The following PHGDH variants were observed in gnomAD, a reference collection of about 807,000 sequenced individuals.
PHGDH encodes the protein phosphoglycerate dehydrogenase.
PHGDH carries 50 observed loss-of-function variants against 52.6 expected under a neutral mutation model. The observed-to-expected ratio is 0.95, with a 90% confidence interval of 0.76 to 1.20. The LOEUF (loss-of-function observed/expected upper bound fraction) is 1.20. PHGDH is among the 50% of genes most tolerant of loss of function. PHGDH has a pLI of 0.00. For missense variants in PHGDH, 630 were observed against 684.6 expected (o/e 0.92, Z 0.89); for synonymous variants, 271 against 280.5 (o/e 0.97, Z 0.34).
chr1:119,742,017 A>C, intron 10 of PHGDH, 120 bp downstream of exon 10: 1 of 836,790 alleles, frequency 1.2e-6, no homozygotes, highest in Non-Finnish European at 2.0e-6. Context: ...CGGCCTGTCT[A>C]CCTGTGAGGG....
At position 119,735,361 on chromosome 1, in the gene PHGDH, G is replaced by C; in HGVS notation, c.710G>C (p.Gly237Ala). 2 of 1,614,226 alleles carry C rather than the reference G, an allele frequency of 1.2e-6. No homozygotes were observed. Among genetic ancestry groups the C allele is most frequent in the Non-Finnish European group, 1.7e-6 (2 of 1,180,046 alleles). ...KGVRVVNCARGGIVDEGALLR... is the reference protein window; with the variant it reads ...KGVRVVNCARAGIVDEGALLR... ...GTGCGTGTGGTGAACTGTGCCCGTG[G>C]AGGGATCGTGGACGAAGGCGCCCTG... The change falls in exon 7 of 12, where the codon GGA becomes GCA. Residue 237 changes from glycine to alanine, a missense_variant. Gly to Ala is a moderately conservative substitution (Grantham distance 60, BLOSUM62 0). Transcript: ENST00000641023.
At chr1:119,738,081 C>T (rs1357907126) in intron 8 of PHGDH, among the ~76,000 whole-genome samples, 2 of 148,762 alleles carry the variant, frequency 1.3e-5, no homozygotes, top group Non-Finnish European at 3.0e-5. Flanking sequence ...TTTTTTTTCC[C>T]TAATCTTTCT....
Position 119,711,961 on chromosome 1 carries a change from C to T in PHGDH, c.-62C>T. 1 of 1,595,222 alleles carries T rather than the reference C, an allele frequency of 6.3e-7. No homozygotes were observed. Among genetic ancestry groups the T allele is most frequent in the Non-Finnish European group, 8.6e-7 (1 of 1,164,546 alleles). ...AGTTACTCTAGCGCGCCAGGCCGAA[C>T]CGCAGCTTCTTGGCTTAGGTACTTC... On this transcript the variant is annotated 5_prime_UTR_variant, in exon 1 of 12. Coordinates refer to ENST00000641023, the MANE Select transcript of PHGDH (RefSeq NM_006623.4).
rs932157775 is a variant in PHGDH, at chr1:119,722,329, T to C, written c.290+1008T>C. 7.2e-5 allele frequency among the ~76,000 whole-genome samples: 11 copies of C among 152,268 alleles called. No individual in the cohort carries two copies. The East Asian group carries it at 1.7e-3, about 24-fold the overall frequency. On this transcript the variant is annotated intron_variant, in intron 2 of 11. Coordinates refer to ENST00000641023, the MANE Select transcript of PHGDH (RefSeq NM_006623.4). ...TTGACTTTTTCTTCTTGTAACCTTA[T>C]TAACCTTCATTCCAGAGATGAAAAA...
At chr1:119,742,705 G>T (rs927417493) in intron 10 of PHGDH, 102 bp from the exon 11 acceptor site, 4 of 771,708 alleles carry the variant, frequency 5.2e-6, no homozygotes, top group Non-Finnish European at 9.1e-6. Flanking sequence ...ACATTATCCA[G>T]GCTGGAGCCC....
chr1:119,732,387 A>G (rs1345606462), intron 5 of PHGDH, among the ~76,000 whole-genome samples: 1 of 152,110 alleles, frequency 6.6e-6, no homozygotes, highest in Non-Finnish European at 1.5e-5. Flanking sequence ...GTTTCTCCCC[A>G]AGGCTTCTCT....
In PHGDH at chr1:119,742,842, G is replaced by A. The variant is rs769982653; in HGVS notation, c.1245G>A (p.Glu415=). The change falls in exon 11 of 12, where the codon GAG becomes GAA. Residue 415 remains glutamate, a synonymous_variant. Transcript: ENST00000641023. ...CCCACAGCCCTGCTGCACCAGGGGAGCAAGGCTTCGGGGAATGCCTCCTGG... is the reference window on the plus strand; with the variant it reads ...CCCACAGCCCTGCTGCACCAGGGGAACAAGGCTTCGGGGAATGCCTCCTGG... The part of the protein sequence containing the change: ...TTSHSPAAPG[E]QGFGECLLAV... The A allele has an allele frequency of 5.0e-6, 8 of 1,613,508 alleles. No homozygotes were observed. The highest frequency in any genetic ancestry group is 3.3e-5 in the South Asian group (3 of 90,996).
At chr1:119,722,469 T>A (rs2101158037) in intron 2 of PHGDH, among the ~76,000 whole-genome samples, 1 of 152,322 alleles carries the variant, frequency 6.6e-6, no homozygotes, top group South Asian at 2.1e-4. Flanking sequence ...TCTATTTTTT[T>A]GTTTATAAAA....
rs1169691960 is a variant in PHGDH, at chr1:119,711,937, G to T, written c.-86G>T. On this transcript the variant is annotated 5_prime_UTR_variant, in exon 1 of 12. Coordinates refer to ENST00000641023, the MANE Select transcript of PHGDH (RefSeq NM_006623.4). ...AGCGGGAGCTGGAGAATACTGCCCA[G>T]TTACTCTAGCGCGCCAGGCCGAACC... 5.7e-6 allele frequency: 8 copies of T among 1,403,142 alleles called. No individual in the cohort carries two copies. Among genetic ancestry groups the T allele is most frequent in the Non-Finnish European group, 1.0e-6 (1 of 990,336 alleles). 86.9% of individuals were successfully genotyped at this position (1,403,142 alleles called of 1,614,324 possible). A position where few individuals can be genotyped will look rare whatever the true frequency, so the allele number is the denominator to read the frequency against.
Position 119,744,112 on chromosome 1 carries a change from G to GA in PHGDH, c.*76dup. On this transcript the variant is annotated 3_prime_UTR_variant, in exon 12 of 12. Coordinates refer to ENST00000641023, the MANE Select transcript of PHGDH (RefSeq NM_006623.4). ...CCACCCACTGTGATCAATAGGGAGA[G>GA]AAAATCCACATTCTTGGGCTGAACG... 7.0e-7 allele frequency: 1 copy of GA among 1,420,372 alleles called. No individual in the cohort carries two copies. The highest frequency in any genetic ancestry group is 1.0e-6 in the Non-Finnish European group (1 of 1,004,314). 88.0% of individuals were successfully genotyped at this position (1,420,372 alleles called of 1,614,324 possible).
chr1:119,726,976 T>C, intron 4 of PHGDH, 28 bp from the exon 5 acceptor site: 1 of 1,608,044 alleles, frequency 6.2e-7, no homozygotes, highest in East Asian at 2.2e-5. Flanking sequence ...TGACTTCAGC[T>C]TCTTTCCTTT....
At chr1:119,735,645 T>C (rs1383464610) in intron 7 of PHGDH, among the ~76,000 whole-genome samples, 1 of 152,186 alleles carries the variant, frequency 6.6e-6, no homozygotes, top group East Asian at 1.9e-4. Flanking sequence ...GAGGCAGCTA[T>C]GTGGTTTTCT....
intron 9 of PHGDH, among the ~76,000 whole-genome samples, chr1:119,741,004 T>A (rs1373411165): frequency 1.3e-5 from 2 of 151,958 alleles, no homozygotes; most frequent in Non-Finnish European, 2.9e-5. Context: ...CTTACTAAGG[T>A]GGTACCTTGG....
In PHGDH at chr1:119,712,157, G is replaced by T. The variant is rs1352826557; in HGVS notation, c.135G>T (p.Leu45=). ...NLSKEELIAE[L]QDCEGLIVRS... is the part of the protein sequence containing the mutation. Reference sequence around the variant, plus strand: ...GCAAAGAGGAGCTGATAGCGGAGCTGCAGGTAAGGCGAGAGAGAGAAAATT... The same window carrying T: ...GCAAAGAGGAGCTGATAGCGGAGCTTCAGGTAAGGCGAGAGAGAGAAAATT... The change falls in exon 1 of 12, where the codon CTG becomes CTT. Residue 45 remains leucine, a synonymous_variant. Transcript: ENST00000641023. 2 of 1,613,814 alleles carry T rather than the reference G, an allele frequency of 1.2e-6. No homozygotes were observed. The highest frequency in any genetic ancestry group is 2.7e-5 in the African/African-American group (2 of 74,938).
At chr1:119,740,552 AG>A (rs1297548648) in intron 9 of PHGDH, 34 bp downstream of exon 9, 1 of 1,522,174 alleles carries the variant, frequency 6.6e-7, no homozygotes, top group Non-Finnish European at 8.9e-7. Context: ...GAGGGGGAGG[AG>A]GGGATGAGGG....
At position 119,740,397 on chromosome 1, in the gene PHGDH, G is replaced by T. The variant is rs748360991; in HGVS notation, c.957G>T (p.Gln319His). ...TCCATCCTCTGCAGGTGAATGCCCA[G>T]GCCCTTACCAGTGCCTTCTCTCCAC... ...GKSLTGVVNA[Q>H]ALTSAFSPHT... is the part of the protein sequence containing the mutation. The change falls in exon 9 of 12, where the codon CAG becomes CAT. Residue 319 changes from glutamine to histidine, a missense_variant. By Grantham distance (24) the Gln-to-His change is conservative. Coordinates refer to ENST00000641023, the MANE Select transcript of PHGDH (RefSeq NM_006623.4). 10 of 1,614,142 alleles carry T rather than the reference G, an allele frequency of 6.2e-6. No individual in the cohort carries two copies. The highest frequency in any genetic ancestry group is 7.6e-6 in the Non-Finnish European group (9 of 1,180,026).
At chr1:119,732,027 T>C (rs1367085205) in intron 5 of PHGDH, among the ~76,000 whole-genome samples, 1 of 152,244 alleles carries the variant, frequency 6.6e-6, no homozygotes, top group Non-Finnish European at 1.5e-5. Context: ...CAGCTTTGAA[T>C]TGACCTATTT....
In PHGDH at chr1:119,728,363, G is replaced by A. The variant is rs587767202; in HGVS notation, c.510+1261G>A. ...ACAGGAACAAGTTTATGGCCTCACA[G>A]TAGAGCCTTACATCCATTGTCCATC... On this transcript the variant is annotated intron_variant, in intron 5 of 11. Coordinates refer to ENST00000641023, the MANE Select transcript of PHGDH (RefSeq NM_006623.4). Among the ~76,000 whole-genome samples, 8 of 152,298 alleles carry A rather than the reference G, an allele frequency of 5.3e-5. No individual in the cohort carries two copies. The East Asian group carries it at 1.4e-3, about 26-fold the overall frequency.
rs773300796 is a variant in PHGDH, at chr1:119,735,371, G to T, written c.720G>T (p.Val240=). The T allele has an allele frequency of 6.2e-7, 1 of 1,614,218 alleles. No homozygotes were observed. Among genetic ancestry groups the T allele is most frequent in the Admixed American group, 1.7e-5 (1 of 60,036 alleles). Residue 240 remains valine (V), a synonymous_variant, in exon 7 of 12, where the codon GTG becomes GTT. Transcript: ENST00000641023. ...TGAACTGTGCCCGTGGAGGGATCGT[G>T]GACGAAGGCGCCCTGCTCCGGGCCC... ...RVVNCARGGI[V]DEGALLRALQ... is the part of the protein sequence containing the mutation.
Sources: allele counts gnomAD v4.1 joint callset (sites outside exome capture counted in the v4.1 genomes callset), GRCh38; gene constraint gnomAD v4.1.1; transcripts MANE v1.5; gene names NCBI Gene and HGNC (gene_info 2026-07-23, HGNC 2026-07-21).